The following ST6GALNAC2 variants were observed in gnomAD, a reference collection of about 807,000 sequenced individuals.
ST6GALNAC2 encodes ST6 N-acetylgalactosaminide alpha-2,6-sialyltransferase 2.
A neutral mutation model predicts 38.7 loss-of-function variants in ST6GALNAC2; 42 were observed. The observed-to-expected ratio is 1.09, with a 90% confidence interval of 0.85 to 1.40. ST6GALNAC2 has a LOEUF of 1.40. Among genes scored for constraint, ST6GALNAC2 ranks in the 40% most tolerant of loss-of-function variants. The probability of loss-of-function intolerance (pLI) is 0.00; values close to 1 mark genes in which losing one functional copy is unlikely to be tolerated. For synonymous variants in ST6GALNAC2, 233 were observed against 209.0 expected, an observed-to-expected ratio of 1.11 and a Z score of -0.99; for missense variants, 506 against 481.7, an observed-to-expected ratio of 1.05 and a Z score of -0.47.
Position 76,585,231 on chromosome 17 carries a change from C to G in ST6GALNAC2, c.125+453G>C, listed in dbSNP as rs1211017145. Among the ~76,000 whole-genome samples the G allele has an allele frequency of 2.0e-5, 3 of 152,314 alleles. No homozygotes were observed. The East Asian group carries it at 5.8e-4, about 29-fold the overall frequency. The stretch of plus-strand genomic sequence containing the variant: ...GGGCGGGAAAGGCGACTGGCCGCGG[C>G]CCGACGGAGGGTCCCCGCGAAGTTG... On this transcript the variant is annotated intron_variant, in intron 1 of 8. Coordinates refer to ENST00000225276, the MANE Select transcript of ST6GALNAC2 (RefSeq NM_006456.3).
chr17:76,574,675 A>AG, intron 2 of ST6GALNAC2, 136 bp from the exon 3 acceptor site: 1 of 535,288 alleles, frequency 1.9e-6, no homozygotes. Context: ...CCATCCTTGC[A>AG]TTTTTTTTTT....
intron 2 of ST6GALNAC2, among the ~76,000 whole-genome samples, chr17:76,575,183 G>C (rs939295258): frequency 1.3e-5 from 2 of 152,164 alleles, no homozygotes; most frequent in African/African-American, 4.8e-5. Context: ...AGTAGTTTCA[G>C]CCTGGGCTGA....
At position 76,566,251 on chromosome 17, in the gene ST6GALNAC2, G is replaced by A; in HGVS notation, c.978C>T (p.Ile326=). 6.2e-7 allele frequency: 1 copy of A among 1,614,136 alleles called. No homozygotes were observed. The highest frequency in any genetic ancestry group is 1.1e-5 in the South Asian group (1 of 91,078). Residue 326 remains isoleucine (I), a synonymous_variant, in exon 9 of 9, where the codon ATC becomes ATT. Coordinates refer to ENST00000225276, the MANE Select transcript of ST6GALNAC2 (RefSeq NM_006456.3). The part of the protein sequence containing the change: ...TCDQVSAYGF[I]TSNYWKFSDH... ...CGGAAAATTTCCAGTAGTTGCTTGT[G>A]ATGAATCCATAGGCACTGACCTGGG...
Position 76,573,498 on chromosome 17 carries a change from G to C in ST6GALNAC2, c.362-135C>G. ...CCCTCCCAAGAAGCACAGAGGGTGGGAGGGGAAGGAGATGTCTGTGGGGGG... is the reference window on the plus strand; with the variant it reads ...CCCTCCCAAGAAGCACAGAGGGTGGCAGGGGAAGGAGATGTCTGTGGGGGG... On this transcript the variant is annotated intron_variant, in intron 3 of 8. Transcript: ENST00000225276. The surrounding 1 kb of genome is among the most constrained non-coding windows in gnomAD (Gnocchi z 5.1). The C allele has an allele frequency of 1.2e-6, 1 of 831,564 alleles. No individual in the cohort carries two copies. The allele number at this position is 831,564 out of a possible 1,614,324, so 51.5% of individuals were successfully genotyped here. A position where few individuals can be genotyped will look rare whatever the true frequency, so the allele number is the denominator to read the frequency against.
In ST6GALNAC2 at chr17:76,572,651, C is replaced by T. The variant is rs146236613; in HGVS notation, c.655G>A (p.Val219Met). ...VSYWNLGFTS[V>M]PQGQDLQYIF... Reference sequence around the variant, plus strand: ...AGAGGCCTCACCTGTCCTTGTGGCACGGAGGTGAAGCCCAGATTCCAGTAG... The same window carrying T: ...AGAGGCCTCACCTGTCCTTGTGGCATGGAGGTGAAGCCCAGATTCCAGTAG... The change falls in exon 5 of 9, where the codon GTG (valine) becomes ATG (methionine). Residue 219 changes from valine (V) to methionine (M), a missense_variant. Transcript: ENST00000225276. The T allele has an allele frequency of 1.0e-4, 161 of 1,614,068 alleles. 1 individual carries two copies. In the African/African-American group the frequency reaches 1.7e-3, roughly 17 times the overall value.
intron 6 of ST6GALNAC2, chr17:76,569,380 G>A (rs2075326043): frequency 5.1e-6 from 2 of 395,574 alleles, no homozygotes; most frequent in African/African-American, 4.2e-5. Flanking sequence ...AGACTGGGAG[G>A]GAGATTTGGA....
Position 76,570,582 on chromosome 17 carries a change from G to T in ST6GALNAC2, c.756C>A (p.Gly252=). The T allele has an allele frequency of 6.2e-7, 1 of 1,612,038 alleles. No individual in the cohort carries two copies. Among genetic ancestry groups the T allele is most frequent in the Non-Finnish European group, 8.5e-7 (1 of 1,179,184 alleles). The part of the protein sequence containing the change: ...SAILGVPVPE[G]LDKGDRPHAY... ...CTGCTCACCTGTCCCCTTTATCTAG[G>T]CCCTCAGGGACAGGCACGCCCAGAA... Residue 252 remains glycine, a synonymous_variant, in exon 6 of 9, where the codon GGC becomes GGA. Coordinates refer to ENST00000225276, the MANE Select transcript of ST6GALNAC2 (RefSeq NM_006456.3).
At chr17:76,577,975 C>A (rs1201282142) in intron 2 of ST6GALNAC2, among the ~76,000 whole-genome samples, 2 of 152,152 alleles carry the variant, frequency 1.3e-5, no homozygotes, top group Non-Finnish European at 2.9e-5. Context: ...TGAAATCTTT[C>A]TCCTAGAGGC....
At chr17:76,584,758 T>C (rs542012973) in intron 1 of ST6GALNAC2, among the ~76,000 whole-genome samples, 131 of 152,346 alleles carry the variant, frequency 8.6e-4, no homozygotes, top group Non-Finnish European at 1.5e-3. Flanking sequence ...ATACTTATTT[T>C]GTTTTCATCC....
intron 1 of ST6GALNAC2, among the ~76,000 whole-genome samples, chr17:76,580,395 G>T (rs1292464695): frequency 1.3e-5 from 2 of 151,846 alleles, no homozygotes; most frequent in Non-Finnish European, 2.9e-5. Flanking sequence ...TCCAGCCTGG[G>T]TGAAAGAGTG....
chr17:76,581,071 G>T (rs2075469271), intron 1 of ST6GALNAC2: 1 of 152,168 alleles, frequency 6.6e-6, no homozygotes, highest in African/African-American at 2.4e-5. Context: ...AGAAACAAAG[G>T]TCTCTTGTTA....
chr17:76,585,596 G>A (rs2075535991), intron 1 of ST6GALNAC2, 88 bp downstream of exon 1: 1 of 1,382,632 alleles, frequency 7.2e-7, no homozygotes, highest in Non-Finnish European at 9.3e-7. Flanking sequence ...GCTGAGGGCT[G>A]CGGGCCGCCG....
At position 76,565,918 on chromosome 17, in the gene ST6GALNAC2, C is replaced by T; in HGVS notation, c.*186G>A. Reference sequence around the variant, plus strand: ...GTATTGTTTTAGATACAGAAGAGTTCTTGGATGAGCCAAGGACAAGCTGGG... The same window carrying T: ...GTATTGTTTTAGATACAGAAGAGTTTTTGGATGAGCCAAGGACAAGCTGGG... On this transcript the variant is annotated 3_prime_UTR_variant, in exon 9 of 9. Transcript: ENST00000225276. 1 of 596,562 alleles carries T rather than the reference C, an allele frequency of 1.7e-6. No homozygotes were observed. The highest frequency in any genetic ancestry group is 2.9e-6 in the Non-Finnish European group (1 of 347,402). The allele number at this position is 596,562 out of a possible 1,614,324, so 37.0% of individuals were successfully genotyped here. A position where few individuals can be genotyped will look rare whatever the true frequency, so the allele number is the denominator to read the frequency against.
chr17:76,579,499 G>A (rs117058309), intron 1 of ST6GALNAC2, among the ~76,000 whole-genome samples: 455 of 152,284 alleles, frequency 3.0e-3, no homozygotes, highest in Middle Eastern at 0.017. Context: ...CCTTTGTGTG[G>A]GTCACGCCCA....
In ST6GALNAC2 at chr17:76,566,196, A is replaced by G. The variant is rs1390838305; in HGVS notation, c.1033T>C (p.Leu345=). The change falls in exon 9 of 9, where the codon TTG becomes CTG. Residue 345 remains leucine (L), a synonymous_variant. Transcript: ENST00000225276. The stretch of plus-strand genomic sequence containing the variant: ...AGATCGTGGTTTGCATAAAATATCA[A>G]TGGCTTCATTTTTCGTTCGAAATAG... ...DHYFERKMKP[L]IFYANHDLSL... is the part of the protein sequence containing the mutation. 9.9e-6 allele frequency: 16 copies of G among 1,614,120 alleles called. No homozygotes were observed. Among genetic ancestry groups the G allele is most frequent in the East Asian group, 2.2e-5 (1 of 44,878 alleles).
chr17:76,583,181 C>A (rs913514077), intron 1 of ST6GALNAC2, among the ~76,000 whole-genome samples: 2 of 151,976 alleles, frequency 1.3e-5, no homozygotes, highest in African/African-American at 4.8e-5. Context: ...CGAGACCATC[C>A]TGGCTAACAC....
In ST6GALNAC2 at chr17:76,568,986, G is replaced by C. The variant is rs62086614; in HGVS notation, c.774-190C>G. ...CGTTGGGGACCACGTGCGGCTTCCC[G>C]CTCACCAGGACCTCCACGGGCGGGG... On this transcript the variant is annotated intron_variant, in intron 6 of 8. Coordinates refer to ENST00000225276, the MANE Select transcript of ST6GALNAC2 (RefSeq NM_006456.3). The C allele has an allele frequency of 5.7e-6, 3 of 523,194 alleles. No homozygotes were observed. The Admixed American group carries it at 9.2e-5, about 16-fold the overall frequency. The allele number at this position is 523,194 out of a possible 1,614,324, so 32.4% of individuals were successfully genotyped here. A position where few individuals can be genotyped will look rare whatever the true frequency, so the allele number is the denominator to read the frequency against.
chr17:76,580,745 C>T (rs12601888), intron 1 of ST6GALNAC2, among the ~76,000 whole-genome samples: 63,427 of 151,336 alleles, frequency 0.42, 15,701 homozygotes, highest in East Asian at 0.57. Flanking sequence ...GAAAGTTTGT[C>T]TCAAAAAGAA....
At chr17:76,577,961 G>A (rs2075435683) in intron 2 of ST6GALNAC2, among the ~76,000 whole-genome samples, 2 of 152,148 alleles carry the variant, frequency 1.3e-5, no homozygotes, top group South Asian at 4.1e-4. Context: ...GCTCTAGCAT[G>A]CAGTGAAATC....
Sources: gnomAD v4.1 joint callset for allele counts (sites outside exome capture counted in the v4.1 genomes callset) on GRCh38, gnomAD v4.1.1 for gene constraint, Gnocchi (gnomAD v3.1) non-coding constraint, MANE v1.5 for transcripts, NCBI Gene and HGNC (gene_info 2026-07-23, HGNC 2026-07-21) for gene names.